TGM6: variants seen among roughly 807,000 people sequenced by gnomAD.
TGM6 encodes protein-glutamine gamma-glutamyltransferase 6.
In TGM6, 74 loss-of-function variants were observed where a neutral mutation model predicts 77.5. That is an observed-to-expected ratio of 0.96 (90% CI 0.79 to 1.16). The LOEUF (loss-of-function observed/expected upper bound fraction) is 1.16, where lower values mean the gene tolerates loss of function less well. Among genes scored for constraint, TGM6 ranks in the 50% most tolerant of loss-of-function variants. The probability of loss-of-function intolerance (pLI) is 0.00; values close to 1 mark genes in which losing one functional copy is unlikely to be tolerated. For missense variants in TGM6, 968 were observed against 940.2 expected (o/e 1.03, Z -0.39); for synonymous variants, 383 against 378.9 (o/e 1.01, Z -0.12).
At chr20:2,409,322 G>A (rs1158634248) in intron 9 of TGM6, among the ~76,000 whole-genome samples, 1 of 152,166 alleles carries the variant, frequency 6.6e-6, no homozygotes, top group Non-Finnish European at 1.5e-5. Flanking sequence ...TTTATAAGAT[G>A]CAGCTAAAGC....
At chr20:2,401,252 G>A (rs1472123417) in intron 7 of TGM6, among the ~76,000 whole-genome samples, 2 of 152,012 alleles carry the variant, frequency 1.3e-5, no homozygotes, top group African/African-American at 4.8e-5. Context: ...TTCTGAAATA[G>A]GAAAAACATT....
intron 1 of TGM6, among the ~76,000 whole-genome samples, chr20:2,391,629 T>C (rs1433102685): frequency 6.6e-6 from 1 of 152,120 alleles, no homozygotes; most frequent in Non-Finnish European, 1.5e-5. Flanking sequence ...AGCAGATGTT[T>C]GACAAGATGA....
intron 6 of TGM6, 32 bp downstream of exon 6, chr20:2,399,770 T>G (rs776031994): frequency 3.2e-6 from 5 of 1,582,584 alleles, no homozygotes; most frequent in Non-Finnish European, 4.3e-6. Flanking sequence ...CCAGGGTACC[T>G]GTGCCCCCAG....
chr20:2,382,761 G>A (rs1284608291), intron 1 of TGM6, among the ~76,000 whole-genome samples: 1 of 152,028 alleles, frequency 6.6e-6, no homozygotes. Context: ...TCATCTTCCT[G>A]GAGCTCCTTC....
At chr20:2,406,937 G>A (rs543877734) in intron 9 of TGM6, among the ~76,000 whole-genome samples, 164 of 150,642 alleles carry the variant, frequency 1.1e-3, no homozygotes, top group African/African-American at 3.4e-3. Flanking sequence ...ACTGAGCGCT[G>A]GCTGTGGGCT....
In TGM6 at chr20:2,417,251, G is replaced by A. The variant is rs145650194; in HGVS notation, c.1356G>A (p.Gln452=). 13 of 1,605,808 alleles carry A rather than the reference G, an allele frequency of 8.1e-6. No homozygotes were observed. Among genetic ancestry groups the A allele is most frequent in the African/African-American group, 2.7e-5 (2 of 74,780 alleles). Residue 452 remains glutamine, a synonymous_variant, in exon 10 of 13, where the codon CAG becomes CAA. Coordinates refer to ENST00000202625, the MANE Select transcript of TGM6 (RefSeq NM_198994.3). ...CTGCAGGGTCCCGGAAAGAGAGGCA[G>A]GTGTACAGCAAGGCGGTGAACAGGC... ...KYPEGSRKER[Q]VYSKAVNRLF...
chr20:2,426,522 A>G (rs1259338985), intron 10 of TGM6, among the ~76,000 whole-genome samples: 1 of 152,062 alleles, frequency 6.6e-6, no homozygotes, highest in Non-Finnish European at 1.5e-5. Flanking sequence ...GTTTTATCTT[A>G]TTGCATTAGC....
chr20:2,428,088 G>A, intron 10 of TGM6, among the ~76,000 whole-genome samples: 1 of 152,114 alleles, frequency 6.6e-6, no homozygotes, highest in East Asian at 1.9e-4. Context: ...ATTGTGTTCT[G>A]GGGGCATATA....
intron 9 of TGM6, among the ~76,000 whole-genome samples, chr20:2,406,854 A>AAAAAAAAAAAAAC (rs2084755600): frequency 2.2e-5 from 3 of 137,262 alleles, no homozygotes; most frequent in Non-Finnish European, 3.1e-5. Context: ...AAAAAAAAAA[A>AAAAAAAAAAAAAC]AAAAAAAAAA....
chr20:2,392,344 G>A (rs766067704), intron 1 of TGM6, among the ~76,000 whole-genome samples: 28 of 152,154 alleles, frequency 1.8e-4, no homozygotes, highest in Non-Finnish European at 3.5e-4. Context: ...CCTCAGTTCC[G>A]CCTTCTGGAG....
chr20:2,398,517 T>C (rs1248736998), intron 5 of TGM6, among the ~76,000 whole-genome samples: 2 of 149,674 alleles, frequency 1.3e-5, no homozygotes, highest in Admixed American at 6.8e-5. Context: ...TGTGGCTAGC[T>C]TGGGCTTCCC....
At chr20:2,414,376 A>T (rs1020662493) in intron 9 of TGM6, among the ~76,000 whole-genome samples, 2 of 152,376 alleles carry the variant, frequency 1.3e-5, no homozygotes, top group South Asian at 2.1e-4. Context: ...ACCACTTCAC[A>T]TCCACTAGAA....
chr20:2,385,779 C>G (rs1437134824), intron 1 of TGM6, among the ~76,000 whole-genome samples: 3 of 152,186 alleles, frequency 2.0e-5, no homozygotes, highest in Non-Finnish European at 2.9e-5. Context: ...TTCCGTACCC[C>G]AGCCAAGGGA....
chr20:2,422,167 C>T (rs563520307), intron 10 of TGM6, among the ~76,000 whole-genome samples: 1 of 152,238 alleles, frequency 6.6e-6, no homozygotes, highest in Admixed American at 6.5e-5. Context: ...CTCAGGTCAT[C>T]TAGATTTTCT....
At position 2,417,465 on chromosome 20, in the gene TGM6, GC is replaced by G. The variant is rs1432387443; in HGVS notation, c.1573del (p.Gln525SerfsTer3). The G allele has an allele frequency of 6.2e-7, 1 of 1,610,812 alleles. No individual in the cohort carries two copies. The highest frequency in any genetic ancestry group is 2.2e-5 in the East Asian group (1 of 44,880). ...ALCLANLTSR[A>X]QRVRVNLSGA... is the part of the protein sequence containing the mutation. ...GTGCTTGGCCAACCTCACCTCCCGGGCCCAGCGGGTGAGGGTCAACCTGAGC... is the reference window on the plus strand; with the variant it reads ...GTGCTTGGCCAACCTCACCTCCCGGGCCAGCGGGTGAGGGTCAACCTGAGC... On this transcript the variant is annotated frameshift_variant, in exon 10 of 13. Coordinates refer to ENST00000202625, the MANE Select transcript of TGM6 (RefSeq NM_198994.3). LOFTEE classifies it high-confidence loss of function.
At position 2,414,051 on chromosome 20, in the gene TGM6, TA is replaced by T. The variant is rs111295680; in HGVS notation, c.1337-3171del. Among the ~76,000 whole-genome samples the T allele has an allele frequency of 3.2e-4, 47 of 148,604 alleles. 2 individuals carry two copies. Among genetic ancestry groups the T allele is most frequent in the South Asian group, 1.7e-3 (8 of 4,686 alleles). On this transcript the variant is annotated intron_variant, in intron 9 of 12. Transcript: ENST00000202625. ...ATATGTAACTCTTAAAACTCAACCA[TA>T]AAAAAAAAATAATTTTTTTTGAGAG...
At chr20:2,396,410 G>A (rs531050939) in intron 3 of TGM6, 96 bp from the exon 4 acceptor site, 107 of 1,278,262 alleles carry the variant, frequency 8.4e-5, no homozygotes, top group Middle Eastern at 3.7e-4. Context: ...GTCAGCCTCC[G>A]GGCGCTGCCC....
intron 12 of TGM6, 36 bp downstream of exon 12, chr20:2,431,063 G>A: frequency 1.2e-6 from 2 of 1,602,064 alleles, no homozygotes; most frequent in South Asian, 2.2e-5. Context: ...AGGGAATGGG[G>A]CTCTCTTCCT....
chr20:2,413,738 C>T (rs1391816204), intron 9 of TGM6, among the ~76,000 whole-genome samples: 1 of 152,134 alleles, frequency 6.6e-6, no homozygotes, highest in Non-Finnish European at 1.5e-5. Context: ...ACACGATACA[C>T]AAAAATTTCT....
Sources: allele counts gnomAD v4.1 joint callset (sites outside exome capture counted in the v4.1 genomes callset), GRCh38; gene constraint gnomAD v4.1.1; transcripts MANE v1.5; gene names NCBI Gene and HGNC (gene_info 2026-07-23, HGNC 2026-07-21).